Variants in ADAMTS19 observed in about 807,000 individuals in gnomAD.
The protein encoded by ADAMTS19 is ADAM metallopeptidase with thrombospondin type 1 motif 19.
In ADAMTS19, 93 loss-of-function variants were observed where a neutral mutation model predicts 153.3. The observed-to-expected ratio is 0.61, with a 90% CI of 0.51 to 0.72. ADAMTS19 has a LOEUF of 0.72. Ranked by LOEUF, ADAMTS19 falls within the 30% of genes least tolerant of loss-of-function variation. ADAMTS19 has a pLI of 0.00. For missense variants in ADAMTS19, 1,482 were observed against 1,552.1 expected (o/e 0.95, Z 0.76); for synonymous variants, 600 against 556.6 (o/e 1.08, Z -1.10).
intron 18 of ADAMTS19, 82 bp from the exon 19 acceptor site, chr5:129,694,638 G>A (rs1755475140): frequency 9.6e-7 from 1 of 1,042,964 alleles, no homozygotes; most frequent in Non-Finnish European, 1.2e-6. Flanking sequence ...TAAAAAATAA[G>A]CATAATAAGC....
In ADAMTS19 at chr5:129,737,173, A is replaced by G; in HGVS notation, c.3597A>G (p.Glu1199=). The change falls in exon 23 of 23, where the codon GAA becomes GAG. Residue 1199 remains glutamate, a synonymous_variant. Transcript: ENST00000274487. The part of the protein sequence containing the change: ...QDMRWYQRCC[E]TCRDFYAQKL... Reference sequence around the variant, plus strand: ...TGCGGTGGTATCAGCGCTGCTGTGAAACATGCAGGGACTTCTATGCCCAAA... The same window carrying G: ...TGCGGTGGTATCAGCGCTGCTGTGAGACATGCAGGGACTTCTATGCCCAAA... 1 of 1,610,200 alleles carries G rather than the reference A, an allele frequency of 6.2e-7. No homozygotes were observed. The highest frequency in any genetic ancestry group is 8.5e-7 in the Non-Finnish European group (1 of 1,177,504).
At chr5:129,628,439 C>A (rs538808309) in intron 10 of ADAMTS19, among the ~76,000 whole-genome samples, 37 of 150,710 alleles carry the variant, frequency 2.5e-4, no homozygotes, top group Admixed American at 4.0e-4. Flanking sequence ...CTGTAATATA[C>A]CCCTGAACTT....
At chr5:129,724,813 A>T (rs1048157913) in intron 21 of ADAMTS19, among the ~76,000 whole-genome samples, 1 of 152,134 alleles carries the variant, frequency 6.6e-6, no homozygotes, top group Non-Finnish European at 1.5e-5. Flanking sequence ...TTGTTTGCAT[A>T]GCACAGGAAG....
intron 6 of ADAMTS19, among the ~76,000 whole-genome samples, chr5:129,549,579 A>T (rs1223983180): frequency 2.6e-5 from 4 of 151,736 alleles, no homozygotes. Flanking sequence ...TTAGAATCAC[A>T]GGGAAACATC....
At chr5:129,471,114 G>A (rs1334553716) in intron 2 of ADAMTS19, among the ~76,000 whole-genome samples, 1 of 151,824 alleles carries the variant, frequency 6.6e-6, no homozygotes, top group Non-Finnish European at 1.5e-5. Flanking sequence ...GGGTGGTTTG[G>A]TGAGGTAGAG....
chr5:129,529,119 A>T (rs1752113066), intron 6 of ADAMTS19, among the ~76,000 whole-genome samples: 1 of 152,128 alleles, frequency 6.6e-6, no homozygotes, highest in Non-Finnish European at 1.5e-5. Flanking sequence ...ATTAATTATA[A>T]GCTACATTGT....
intron 18 of ADAMTS19, among the ~76,000 whole-genome samples, chr5:129,693,172 ACT>A (rs142220492): frequency 0.044 from 6,735 of 152,178 alleles, 454 homozygotes; most frequent in African/African-American, 0.15. Context: ...TCAAGGAAAG[ACT>A]CTGAACCTAA....
At chr5:129,547,777 C>G (rs1247963781) in intron 6 of ADAMTS19, among the ~76,000 whole-genome samples, 1 of 150,710 alleles carries the variant, frequency 6.6e-6, no homozygotes, top group African/African-American at 2.5e-5. Context: ...TCAAACTACA[C>G]TACAAGGCTA....
At chr5:129,551,730 TCA>T (rs749759138) in intron 6 of ADAMTS19, 132 bp from the exon 7 acceptor site, 13 of 566,310 alleles carry the variant, frequency 2.3e-5, no homozygotes, top group Non-Finnish European at 3.1e-5. Context: ...TTAATCTTAT[TCA>T]CAGTTTTATT....
chr5:129,662,984 T>A (rs381791), intron 15 of ADAMTS19, among the ~76,000 whole-genome samples: 24,741 of 145,290 alleles, frequency 0.17, 2,304 homozygotes, highest in East Asian at 0.32. Flanking sequence ...AACTTCTGCC[T>A]CCCGGGTTCA....
At chr5:129,671,327 G>A (rs1754291799) in intron 16 of ADAMTS19, among the ~76,000 whole-genome samples, 1 of 152,144 alleles carries the variant, frequency 6.6e-6, no homozygotes, top group African/African-American at 2.4e-5. Flanking sequence ...TGACTTCTAG[G>A]TTTCTGGTAA....
chr5:129,625,072 G>A (rs1751964793), intron 10 of ADAMTS19, among the ~76,000 whole-genome samples: 1 of 151,314 alleles, frequency 6.6e-6, no homozygotes, highest in Non-Finnish European at 1.5e-5. Context: ...CGACCTATGA[G>A]TGAGAACATG....
chr5:129,630,205 A>G (rs1389371821), intron 10 of ADAMTS19, among the ~76,000 whole-genome samples: 2 of 152,100 alleles, frequency 1.3e-5, no homozygotes, highest in African/African-American at 4.8e-5. Flanking sequence ...TAATGGCAGA[A>G]ACCGCAATTA....
intron 18 of ADAMTS19, 29 bp downstream of exon 18, chr5:129,684,302 C>G (rs758712295): frequency 2.2e-5 from 36 of 1,609,590 alleles, no homozygotes; most frequent in Non-Finnish European, 3.0e-5. Flanking sequence ...TTTATCTTTC[C>G]AAAACATCAG....
chr5:129,549,170 G>C (rs1018343993), intron 6 of ADAMTS19, among the ~76,000 whole-genome samples: 36 of 143,494 alleles, frequency 2.5e-4, no homozygotes, highest in African/African-American at 9.4e-4. Flanking sequence ...AAAACTTAAA[G>C]TATAATAATA....
At chr5:129,522,328 C>CATAT (rs1302441781) in intron 3 of ADAMTS19, among the ~76,000 whole-genome samples, 273 of 87,998 alleles carry the variant, frequency 3.1e-3, no homozygotes, top group African/African-American at 9.3e-3. Context: ...CACACACACA[C>CATAT]ACACATATAT....
At chr5:129,658,367 AAG>A (rs1173424372) in intron 14 of ADAMTS19, among the ~76,000 whole-genome samples, 80 of 128,096 alleles carry the variant, frequency 6.2e-4, no homozygotes, top group African/African-American at 2.2e-3. Context: ...GAAAGAAAGA[AAG>A]AGAGAGAGGA....
At chr5:129,553,880 T>C (rs1295062803) in intron 7 of ADAMTS19, among the ~76,000 whole-genome samples, 1 of 152,170 alleles carries the variant, frequency 6.6e-6, no homozygotes, top group Non-Finnish European at 1.5e-5. Flanking sequence ...TCTGGAGTCA[T>C]ATACAGTCAG....
Position 129,678,117 on chromosome 5 carries a change from AT to A in ADAMTS19, c.2507-1640del, listed in dbSNP as rs532202799. The stretch of plus-strand genomic sequence containing the variant: ...TGTGAGCCACCACACCGGCCGTTAC[AT>A]TTTTTTCTTAGGAAAACTCAAATAC... On this transcript the variant is annotated intron_variant, in intron 16 of 22. Transcript: ENST00000274487. Among the ~76,000 whole-genome samples, 43 of 151,884 alleles carry A rather than the reference AT, an allele frequency of 2.8e-4. No homozygotes were observed. In the South Asian group the frequency reaches 4.8e-3, roughly 17 times the overall value.
Sources: gnomAD v4.1 joint callset for allele counts (sites outside exome capture counted in the v4.1 genomes callset) on GRCh38, gnomAD v4.1.1 for gene constraint, MANE v1.5 for transcripts, NCBI Gene and HGNC (gene_info 2026-07-23, HGNC 2026-07-21) for gene names.